BMPR1A: variants seen among roughly 807,000 people sequenced by gnomAD.
BMPR1A encodes the protein bone morphogenetic protein receptor type-1A.
A neutral mutation model predicts 66.0 loss-of-function variants in BMPR1A; 7 were observed. That is an observed-to-expected ratio of 0.11 (90% CI 0.06 to 0.20). BMPR1A has a LOEUF of 0.20. Ranked by LOEUF, BMPR1A falls within the 10% of genes least tolerant of loss-of-function variation. The pLI, the probability that BMPR1A is intolerant of heterozygous loss-of-function variation, is 1.00. For missense variants in BMPR1A, 408 were observed against 669.1 expected (o/e 0.61, Z 4.31); for synonymous variants, 200 against 229.7 (o/e 0.87, Z 1.17).
chr10:86,931,280 T>TACACAC (rs1271685565), downstream of BMPR1A: 11 of 96,810 alleles, frequency 1.1e-4, no homozygotes, highest in East Asian at 6.0e-4. Context: ...TATATATATA[T>TACACAC]ACACACACAC....
At chr10:86,909,395 C>T (rs566468626) in intron 7 of BMPR1A, among the ~76,000 whole-genome samples, 3 of 152,058 alleles carry the variant, frequency 2.0e-5, no homozygotes, top group African/African-American at 4.8e-5. Context: ...AAGTTCGAGA[C>T]CAGCGTGGCC....
At chr10:86,829,239 C>T (rs1221575202) in intron 1 of BMPR1A, among the ~76,000 whole-genome samples, 2 of 152,008 alleles carry the variant, frequency 1.3e-5, no homozygotes, top group Non-Finnish European at 2.9e-5. Context: ...TATGTATATA[C>T]ACTCACACCT....
intron 1 of BMPR1A, among the ~76,000 whole-genome samples, chr10:86,812,804 T>A (rs1008541213): frequency 4.6e-5 from 7 of 152,192 alleles, no homozygotes; most frequent in Non-Finnish European, 1.0e-4. Context: ...TGTTGACATG[T>A]CCTTATTACG....
At chr10:86,916,875 C>A (rs570927727) in intron 8 of BMPR1A, among the ~76,000 whole-genome samples, 4 of 152,092 alleles carry the variant, frequency 2.6e-5, no homozygotes, top group African/African-American at 9.6e-5. Context: ...TGTCTGTAAT[C>A]CCAGCTACTT....
intron 1 of BMPR1A, among the ~76,000 whole-genome samples, chr10:86,823,534 T>A (rs138019019): frequency 1.0e-4 from 16 of 152,382 alleles, no homozygotes; most frequent in African/African-American, 3.6e-4. Flanking sequence ...GAATGGTAGA[T>A]GCATTTCAAA....
In BMPR1A at chr10:86,839,278, C is replaced by T. The variant is rs374634847; in HGVS notation, c.-153+299C>T. On this transcript the variant is annotated intron_variant, in intron 2 of 12. Coordinates refer to ENST00000372037, the MANE Select transcript of BMPR1A (RefSeq NM_004329.3). ...CATTAAATGGTTTATATGTTTATTT[C>T]TTCCCCCTAAGTTTGCAAAGCAGAG... Among the ~76,000 whole-genome samples the T allele has an allele frequency of 1.2e-4, 18 of 152,232 alleles. No individual in the cohort carries two copies. In the East Asian group the frequency reaches 1.4e-3, roughly 11 times the overall value.
chr10:86,884,319 C>T (rs1004718597), intron 3 of BMPR1A, among the ~76,000 whole-genome samples: 2 of 149,204 alleles, frequency 1.3e-5, no homozygotes, highest in African/African-American at 4.9e-5. Context: ...CTCCTGAGCT[C>T]AAGCATCCTA....
At chr10:86,797,128 G>A (rs1190077421) in intron 1 of BMPR1A, among the ~76,000 whole-genome samples, 3 of 142,096 alleles carry the variant, frequency 2.1e-5, no homozygotes, top group Non-Finnish European at 4.5e-5. Flanking sequence ...GCAGTGGCGC[G>A]ATCTCTGCTC....
At chr10:86,804,792 G>GTTTTTTTTTTTTTTTTTT (rs5786747) in intron 1 of BMPR1A, among the ~76,000 whole-genome samples, 3 of 57,268 alleles carry the variant, frequency 5.2e-5, no homozygotes, top group Non-Finnish European at 9.5e-5. Context: ...GTTTGTAGGT[G>GTTTTTTTTTTTTTTTTTT]TTTTTTTTTT....
At chr10:86,884,301 G>A (rs1290353808) in intron 3 of BMPR1A, among the ~76,000 whole-genome samples, 1 of 150,636 alleles carries the variant, frequency 6.6e-6, no homozygotes, top group Non-Finnish European at 1.5e-5. Flanking sequence ...TCCCAGGCTG[G>A]TCTTGAACTC....
chr10:86,768,520 A>C (rs1841203055), intron 1 of BMPR1A, among the ~76,000 whole-genome samples: 1 of 152,214 alleles, frequency 6.6e-6, no homozygotes, highest in Non-Finnish European at 1.5e-5. Flanking sequence ...TTTGCATAGA[A>C]GAGAAAATGA....
chr10:86,791,434 A>G (rs1319340631), intron 1 of BMPR1A, among the ~76,000 whole-genome samples: 3 of 151,488 alleles, frequency 2.0e-5, no homozygotes, highest in African/African-American at 7.3e-5. Context: ...GGCTGGTCTC[A>G]ATCTCCTCAC....
chr10:86,820,799 C>T (rs1488159783), intron 1 of BMPR1A, among the ~76,000 whole-genome samples: 2 of 152,184 alleles, frequency 1.3e-5, no homozygotes, highest in African/African-American at 4.8e-5. Flanking sequence ...GAATCAGCAA[C>T]CCCAATAGCA....
At chr10:86,830,044 G>T in intron 1 of BMPR1A, among the ~76,000 whole-genome samples, 1 of 152,092 alleles carries the variant, frequency 6.6e-6, no homozygotes, top group East Asian at 1.9e-4. Flanking sequence ...GAGAGAGCGT[G>T]GCCTCAGTGC....
At chr10:86,780,520 C>G (rs559624819) in intron 1 of BMPR1A, among the ~76,000 whole-genome samples, 1 of 152,038 alleles carries the variant, frequency 6.6e-6, no homozygotes, top group Admixed American at 6.5e-5. Context: ...CTGCAACCTC[C>G]GCCTCCCAGG....
intron 1 of BMPR1A, among the ~76,000 whole-genome samples, chr10:86,805,607 G>A (rs375676433): frequency 1.6e-4 from 24 of 151,824 alleles, no homozygotes; most frequent in Admixed American, 3.3e-4. Flanking sequence ...GACTACAGGC[G>A]CGTGCCACCA....
chr10:86,835,652 A>C (rs1842336698), intron 1 of BMPR1A, among the ~76,000 whole-genome samples: 1 of 150,254 alleles, frequency 6.7e-6, no homozygotes, highest in Admixed American at 6.7e-5. Flanking sequence ...AGCAAATCTT[A>C]CTAATAATAG....
intron 1 of BMPR1A, among the ~76,000 whole-genome samples, chr10:86,832,462 G>A (rs188154960): frequency 0.016 from 2,135 of 137,570 alleles, 20 homozygotes; most frequent in Middle Eastern, 0.034. Context: ...GCGAAACTCC[G>A]TCTAAAAAAA....
At chr10:86,772,791 C>G (rs919138095) in intron 1 of BMPR1A, among the ~76,000 whole-genome samples, 1 of 152,064 alleles carries the variant, frequency 6.6e-6, no homozygotes, top group Non-Finnish European at 1.5e-5. Context: ...TTTAAAGTTT[C>G]TTTTCAAAAC....
Sources: allele counts gnomAD v4.1 joint callset (sites outside exome capture counted in the v4.1 genomes callset), GRCh38; gene constraint gnomAD v4.1.1; transcripts MANE v1.5; gene names NCBI Gene and HGNC (gene_info 2026-07-23, HGNC 2026-07-21).